SIPA1L1: variants seen among roughly 807,000 people sequenced by gnomAD.
The protein encoded by SIPA1L1 is signal-induced proliferation-associated 1-like protein 1.
Under a neutral mutation model 162.7 loss-of-function variants are expected in SIPA1L1, and 26 were observed. The observed-to-expected ratio is 0.16, with a 90% CI of 0.12 to 0.22. The LOEUF (loss-of-function observed/expected upper bound fraction) is 0.22, where lower values mean the gene tolerates loss of function less well. SIPA1L1 is among the 10% of genes least tolerant of loss of function. The pLI is 1.00. For missense variants in SIPA1L1, 1,874 were observed against 2,241.0 expected (o/e 0.84, Z 3.31); for synonymous variants, 829 against 837.4 (o/e 0.99, Z 0.17).
chr14:71,675,519 A>G (rs1339984936), intron 12 of SIPA1L1, among the ~76,000 whole-genome samples: 1 of 152,234 alleles, frequency 6.6e-6, no homozygotes, highest in Non-Finnish European at 1.5e-5. Flanking sequence ...TCCTTTCTTT[A>G]GAGATAACTT....
chr14:71,534,251 C>A (rs915803358), intron 4 of SIPA1L1, among the ~76,000 whole-genome samples: 3 of 152,104 alleles, frequency 2.0e-5, no homozygotes, highest in Admixed American at 6.6e-5. Flanking sequence ...CCTCATTACC[C>A]TTGGTTTGCA....
At chr14:71,713,123 G>A (rs1283728790) in intron 17 of SIPA1L1, among the ~76,000 whole-genome samples, 1 of 152,194 alleles carries the variant, frequency 6.6e-6, no homozygotes, top group East Asian at 1.9e-4. Context: ...AGGAGGCTGA[G>A]GCAGGAGGAT....
intron 2 of SIPA1L1, among the ~76,000 whole-genome samples, chr14:71,375,322 A>ATT (rs2039276710): frequency 1.3e-5 from 2 of 152,192 alleles, no homozygotes; most frequent in Non-Finnish European, 2.9e-5. Flanking sequence ...AAAGAGATAT[A>ATT]TAAGTATTAA....
intron 2 of SIPA1L1, among the ~76,000 whole-genome samples, chr14:71,363,767 C>T (rs1034810629): frequency 6.6e-6 from 1 of 152,128 alleles, no homozygotes; most frequent in African/African-American, 2.4e-5. Flanking sequence ...AATTAGTTTG[C>T]AAAACTTGAA....
intron 14 of SIPA1L1, among the ~76,000 whole-genome samples, chr14:71,700,772 A>G (rs1181495190): frequency 6.6e-6 from 1 of 152,098 alleles, no homozygotes; most frequent in Non-Finnish European, 1.5e-5. Context: ...AGGCGGGCGG[A>G]TCACGAGGTC....
chr14:71,543,684 C>T (rs28436105), intron 4 of SIPA1L1, among the ~76,000 whole-genome samples: 283 of 148,500 alleles, frequency 1.9e-3, no homozygotes, highest in African/African-American at 6.3e-3. Context: ...GCCATTCATG[C>T]GGTCAGTAAC....
intron 7 of SIPA1L1, among the ~76,000 whole-genome samples, chr14:71,641,494 G>A (rs934388579): frequency 2.0e-5 from 3 of 152,248 alleles, no homozygotes; most frequent in East Asian, 1.9e-4. Context: ...AGGCCGAGGC[G>A]GGCAGATCAC....
At chr14:71,712,320 A>T (rs371414436) in intron 17 of SIPA1L1, among the ~76,000 whole-genome samples, 2 of 152,184 alleles carry the variant, frequency 1.3e-5, no homozygotes, top group African/African-American at 2.4e-5. Context: ...TGGTAATTAC[A>T]TAGAGTTGCT....
intron 7 of SIPA1L1, among the ~76,000 whole-genome samples, chr14:71,634,449 A>G (rs551232242): frequency 6.6e-6 from 1 of 151,162 alleles, no homozygotes; most frequent in East Asian, 1.9e-4. Context: ...AATTTGAATC[A>G]CAGATTTTTT....
intron 5 of SIPA1L1, among the ~76,000 whole-genome samples, chr14:71,599,576 A>G (rs1311678954): frequency 3.3e-5 from 5 of 152,104 alleles, no homozygotes; most frequent in Non-Finnish European, 5.9e-5. Context: ...TGCTATTGCA[A>G]ATAGTTTTGC....
At chr14:71,412,501 AC>A (rs1325995766) in intron 2 of SIPA1L1, among the ~76,000 whole-genome samples, 2 of 152,140 alleles carry the variant, frequency 1.3e-5, no homozygotes, top group Non-Finnish European at 1.5e-5. Flanking sequence ...GCGGGGTCTT[AC>A]CGAGCTCTGT....
At chr14:71,667,694 T>G (rs1320162682) in intron 10 of SIPA1L1, among the ~76,000 whole-genome samples, 1 of 152,220 alleles carries the variant, frequency 6.6e-6, no homozygotes, top group Non-Finnish European at 1.5e-5. Flanking sequence ...GATTGTTGAT[T>G]ATTGCTGTTT....
At chr14:71,451,046 A>G (rs760992827) in intron 2 of SIPA1L1, among the ~76,000 whole-genome samples, 1 of 152,204 alleles carries the variant, frequency 6.6e-6, no homozygotes, top group Non-Finnish European at 1.5e-5. Context: ...TATGGTATAT[A>G]TACACAATGG....
intron 5 of SIPA1L1, among the ~76,000 whole-genome samples, chr14:71,590,610 C>G (rs1676131827): frequency 1.3e-5 from 2 of 152,162 alleles, no homozygotes; most frequent in Admixed American, 6.5e-5. Flanking sequence ...GACTAAACAT[C>G]CATGTCTCAT....
chr14:71,352,226 G>A (rs1323085875), intron 2 of SIPA1L1, among the ~76,000 whole-genome samples: 1 of 152,062 alleles, frequency 6.6e-6, no homozygotes, highest in East Asian at 1.9e-4. Context: ...CTGTTACCCA[G>A]GTTGGAGTGC....
At chr14:71,646,870 C>T (rs967085073) in intron 7 of SIPA1L1, among the ~76,000 whole-genome samples, 4 of 152,044 alleles carry the variant, frequency 2.6e-5, no homozygotes, top group African/African-American at 9.7e-5. Flanking sequence ...ATCCATAAGC[C>T]CACGTAGGTA....
intron 2 of SIPA1L1, among the ~76,000 whole-genome samples, chr14:71,406,641 T>C (rs10151279): frequency 0.019 from 2,887 of 152,308 alleles, 83 homozygotes; most frequent in African/African-American, 0.066. Flanking sequence ...AAATTCATTA[T>C]CTAGGAGTTT....
At chr14:71,624,711 C>T (rs565880297) in intron 7 of SIPA1L1, among the ~76,000 whole-genome samples, 12 of 152,148 alleles carry the variant, frequency 7.9e-5, no homozygotes, top group African/African-American at 2.9e-4. Context: ...TTCTGGGACA[C>T]AGAGAGATTA....
At chr14:71,535,329 C>T (rs2053798878) in intron 4 of SIPA1L1, among the ~76,000 whole-genome samples, 1 of 152,186 alleles carries the variant, frequency 6.6e-6, no homozygotes, top group South Asian at 2.1e-4. Flanking sequence ...GGAGTAACTG[C>T]CCTATTCTGG....
Sources: gnomAD v4.1 joint callset for allele counts (sites outside exome capture counted in the v4.1 genomes callset) on GRCh38, gnomAD v4.1.1 for gene constraint, MANE v1.5 for transcripts, NCBI Gene and HGNC (gene_info 2026-07-23, HGNC 2026-07-21) for gene names.